Variants in DOCK9 observed in about 807,000 individuals in gnomAD.
DOCK9 encodes dedicator of cytokinesis 9, also known as dedicator of cytokinesis protein 9.
DOCK9 carries 89 observed loss-of-function variants against 263.3 expected under a neutral mutation model. That is an observed-to-expected ratio of 0.34 (90% CI 0.28 to 0.40). The LOEUF (loss-of-function observed/expected upper bound fraction) is 0.40, where lower values mean the gene tolerates loss of function less well. Ranked by LOEUF, DOCK9 falls within the 10% of genes least tolerant of loss-of-function variation. The pLI is 1.00. For missense variants in DOCK9, 2,140 were observed against 2,603.4 expected (o/e 0.82, Z 3.87); for synonymous variants, 976 against 973.1 (o/e 1.00, Z -0.06).
intron 37 of DOCK9, among the ~76,000 whole-genome samples, chr13:98,848,199 C>T (rs2093448109): frequency 6.6e-6 from 1 of 152,018 alleles, no homozygotes; most frequent in Non-Finnish European, 1.5e-5. Context: ...TAGTTGGGAG[C>T]AGGAACAGTC....
intron 1 of DOCK9, among the ~76,000 whole-genome samples, chr13:99,036,145 A>G (rs941126689): frequency 1.3e-5 from 2 of 152,308 alleles, no homozygotes; most frequent in Non-Finnish European, 2.9e-5. Flanking sequence ...TGTATAATAC[A>G]TACACACATA....
chr13:98,838,369 T>C (rs1444339466), intron 38 of DOCK9, among the ~76,000 whole-genome samples: 3 of 152,218 alleles, frequency 2.0e-5, no homozygotes, highest in East Asian at 1.9e-4. Flanking sequence ...TTGAGCGCTA[T>C]GGAGGTGTTA....
chr13:98,887,949 T>TA (rs1424766446), intron 18 of DOCK9, among the ~76,000 whole-genome samples: 3 of 152,094 alleles, frequency 2.0e-5, no homozygotes, highest in African/African-American at 7.2e-5. Context: ...TTAAAAAGAA[T>TA]AAAAAACAGT....
chr13:98,902,102 G>C (rs1002899922), intron 12 of DOCK9, among the ~76,000 whole-genome samples, 186 bp downstream of exon 12: 13 of 152,198 alleles, frequency 8.5e-5, no homozygotes, highest in Non-Finnish European at 1.5e-4. Context: ...CTTTTAGAAA[G>C]AAGAAAGGAA....
intron 1 of DOCK9, among the ~76,000 whole-genome samples, chr13:98,967,966 G>GAA (rs5806086): frequency 2.5e-4 from 37 of 150,208 alleles, no homozygotes; most frequent in Middle Eastern, 3.4e-3. Flanking sequence ...TTTTCCTACA[G>GAA]AAAAAAAAAA....
Position 98,880,622 on chromosome 13 carries a change from A to G in DOCK9, c.2796T>C (p.His932=), listed in dbSNP as rs776701137. ...TGGTCATGGATTTGGTCAGTTCTTC[A>G]TGCACTGTCTTGTATTCAGAGGCAA... ...PYVASEYKTV[H]EELTKSMTTI... Residue 932 remains histidine (H), a synonymous_variant, in exon 26 of 53, where the codon CAT becomes CAC. Transcript: ENST00000682017. 11 of 1,613,902 alleles carry G rather than the reference A, an allele frequency of 6.8e-6. No individual in the cohort carries two copies. Among genetic ancestry groups the G allele is most frequent in the Non-Finnish European group, 8.5e-6 (10 of 1,179,860 alleles).
At chr13:99,009,852 CTGTT>C (rs1301719829) in intron 1 of DOCK9, among the ~76,000 whole-genome samples, 2 of 152,060 alleles carry the variant, frequency 1.3e-5, no homozygotes, top group African/African-American at 4.8e-5. Flanking sequence ...TTAGAAAAGA[CTGTT>C]TAGTCCTTCG....
intron 1 of DOCK9, among the ~76,000 whole-genome samples, chr13:99,048,162 A>T (rs1471438226): frequency 6.6e-6 from 1 of 152,352 alleles, no homozygotes; most frequent in East Asian, 1.9e-4. Context: ...AAAAGTGTTC[A>T]TGTGCTGCTT....
intron 2 of DOCK9, among the ~76,000 whole-genome samples, chr13:98,952,440 T>C (rs904060591): frequency 2.6e-5 from 4 of 152,036 alleles, no homozygotes; most frequent in African/African-American, 9.7e-5. Context: ...TTTCACCATA[T>C]TGGCCAGGCT....
In DOCK9 at chr13:98,904,686, G is replaced by A; in HGVS notation, c.981C>T (p.Ile327=). The part of the protein sequence containing the change: ...ELAKSAREAE[I]KLKSESRVKL... ...TGACTCTGCTTTCACTTTTCAGTTT[G>A]ATTTCTGCTTCTCTTGCACTCTGAT... The change falls in exon 10 of 53, where the codon ATC becomes ATT. Residue 327 remains isoleucine (I), a synonymous_variant. Coordinates refer to ENST00000682017, the MANE Select transcript of DOCK9 (RefSeq NM_001366683.2). The A allele has an allele frequency of 1.3e-6, 2 of 1,556,446 alleles. No individual in the cohort carries two copies. The highest frequency in any genetic ancestry group is 1.7e-6 in the Non-Finnish European group (2 of 1,148,956).
intron 46 of DOCK9, 23 bp downstream of exon 46, chr13:98,810,146 A>T: frequency 6.2e-7 from 1 of 1,613,762 alleles, no homozygotes; most frequent in Non-Finnish European, 8.5e-7. Flanking sequence ...AAATAGGAAA[A>T]AAACAAAAAG....
At chr13:98,831,179 TA>T (rs2092748130) in intron 41 of DOCK9, among the ~76,000 whole-genome samples, 168 bp downstream of exon 41, 1 of 152,232 alleles carries the variant, frequency 6.6e-6, no homozygotes, top group African/African-American at 2.4e-5. Flanking sequence ...CCATATCTTA[TA>T]GTAATGGAAC....
rs369196309 is a variant in DOCK9 at position 99,070,569 on chromosome 13, TAGTG to T, written c.129+15650_129+15653del. ...CCCATAAATAACCACAGCTTGCACT[TAGTG>T]AGTATTTACTGTGTGCCAGGCCCCA... is the stretch of plus-strand genomic sequence containing the variant. On this transcript the variant is annotated intron_variant, in intron 1 of 32. Transcript: ENST00000427887. Among the ~76,000 whole-genome samples, 40 of 152,364 alleles carry T rather than the reference TAGTG, an allele frequency of 2.6e-4. No individual in the cohort carries two copies. In the East Asian group the frequency reaches 6.2e-3, roughly 24 times the overall value.
intron 1 of DOCK9, among the ~76,000 whole-genome samples, chr13:98,997,789 A>G (rs973524435): frequency 1.3e-5 from 2 of 152,236 alleles, no homozygotes; most frequent in Admixed American, 6.5e-5. Context: ...GTTATACAAT[A>G]GAAAACATTT....
intron 27 of DOCK9, among the ~76,000 whole-genome samples, chr13:98,876,844 G>A (rs1001554013): frequency 1.3e-5 from 2 of 152,326 alleles, no homozygotes; most frequent in African/African-American, 4.8e-5. Context: ...AAGTGAAAAT[G>A]TTGAACCCTC....
At chr13:98,957,577 T>C (rs1293310845) in intron 1 of DOCK9, among the ~76,000 whole-genome samples, 2 of 151,462 alleles carry the variant, frequency 1.3e-5, no homozygotes, top group African/African-American at 4.9e-5. Flanking sequence ...AAAAACTTTA[T>C]ACAAATTATT....
At chr13:98,899,538 C>T (rs113620177) in intron 13 of DOCK9, among the ~76,000 whole-genome samples, 2 of 152,308 alleles carry the variant, frequency 1.3e-5, no homozygotes, top group African/African-American at 4.8e-5. Flanking sequence ...CTAGGACCTC[C>T]CCCCTTCTCC....
At chr13:98,991,299 T>C (rs1222260990) in intron 1 of DOCK9, among the ~76,000 whole-genome samples, 5 of 152,188 alleles carry the variant, frequency 3.3e-5, no homozygotes, top group Admixed American at 6.5e-5. Flanking sequence ...CTTGAACTCC[T>C]GACCTCGTGA....
chr13:99,012,734 T>C (rs1884724360), intron 1 of DOCK9, among the ~76,000 whole-genome samples: 1 of 152,194 alleles, frequency 6.6e-6, no homozygotes. Flanking sequence ...TCATTACCAC[T>C]GCAAGCCCAG....
Sources: allele counts gnomAD v4.1 joint callset (sites outside exome capture counted in the v4.1 genomes callset), GRCh38; gene constraint gnomAD v4.1.1; transcripts MANE v1.5; gene names NCBI Gene and HGNC (gene_info 2026-07-23, HGNC 2026-07-21).